MYO18B: variants seen among roughly 807,000 people sequenced by gnomAD.
MYO18B encodes myosin XVIIIB.
In MYO18B, 204 loss-of-function variants were observed where a neutral mutation model predicts 273.0. That is an observed-to-expected ratio of 0.75 (90% CI 0.67 to 0.84). MYO18B has a LOEUF of 0.84. MYO18B is among the 40% of genes least tolerant of loss of function. The pLI is 0.00. For synonymous variants in MYO18B, 1,330 were observed against 1,305.7 expected, an observed-to-expected ratio of 1.02 and a Z score of -0.40; for missense variants, 3,212 against 3,287.6, an observed-to-expected ratio of 0.98 and a Z score of 0.56.
intron 12 of MYO18B, among the ~76,000 whole-genome samples, chr22:25,816,035 G>A (rs1360524148): frequency 6.6e-6 from 1 of 152,222 alleles, no homozygotes; most frequent in African/African-American, 2.4e-5. Flanking sequence ...ATATGTCCAG[G>A]TTTGTGGGGC....
chr22:25,815,920 C>T (rs1191748666), intron 12 of MYO18B, among the ~76,000 whole-genome samples: 3 of 152,116 alleles, frequency 2.0e-5, no homozygotes, highest in South Asian at 2.1e-4. Context: ...TGTTAAGGTT[C>T]GGGCAATGAT....
At chr22:25,874,227 C>G in intron 22 of MYO18B, 59 bp from the exon 23 acceptor site, 1 of 1,604,020 alleles carries the variant, frequency 6.2e-7, no homozygotes, top group East Asian at 2.2e-5. Context: ...GCAAGCACCC[C>G]CCCATTGTAG....
intron 39 of MYO18B, among the ~76,000 whole-genome samples, chr22:25,963,176 T>TCACA (rs769492850): frequency 6.8e-6 from 1 of 147,378 alleles, no homozygotes; most frequent in South Asian, 2.2e-4. Context: ...TCTCTCTCTC[T>TCACA]CTCACACACA....
At chr22:25,782,257 G>T (rs115281310) in intron 10 of MYO18B, among the ~76,000 whole-genome samples, 2 of 152,244 alleles carry the variant, frequency 1.3e-5, no homozygotes, top group African/African-American at 4.8e-5. Flanking sequence ...AAGGCTGTCT[G>T]CTGTGATAGT....
rs749209387 is a variant in MYO18B, at chr22:25,895,173, C to T, written c.4561C>T (p.Arg1521Cys). 5.6e-6 allele frequency: 9 copies of T among 1,612,244 alleles called. No individual in the cohort carries two copies. The highest frequency in any genetic ancestry group is 2.2e-5 in the South Asian group (2 of 90,370). The change falls in exon 28 of 44, where the codon CGC becomes TGC. Residue 1521 changes from arginine (R) to cysteine (C), a missense_variant. Coordinates refer to ENST00000335473, the MANE Select transcript of MYO18B (RefSeq NM_032608.7). Reference protein sequence around the residue: ...PTGGADEWQMRFDCAQMENEF... With the variant: ...PTGGADEWQMCFDCAQMENEF... ...TTAAACAGCAGACGAGTGGCAGATG[C>T]GCTTCGACTGTGCTCAGATGGAGAA...
At chr22:25,829,794 C>T (rs1407848406) in intron 15 of MYO18B, among the ~76,000 whole-genome samples, 10 of 151,754 alleles carry the variant, frequency 6.6e-5, no homozygotes, top group South Asian at 2.1e-4. Context: ...GCTGAGATTG[C>T]GCCACTGCAC....
At chr22:25,799,336 T>C (rs1474334401) in intron 12 of MYO18B, among the ~76,000 whole-genome samples, 3 of 152,164 alleles carry the variant, frequency 2.0e-5, no homozygotes, top group African/African-American at 7.2e-5. Context: ...GGCTTGGCAT[T>C]CAAAGCTCCT....
chr22:25,742,957 T>G (rs994913432), intron 1 of MYO18B, among the ~76,000 whole-genome samples: 1 of 152,158 alleles, frequency 6.6e-6, no homozygotes, highest in Non-Finnish European at 1.5e-5. Flanking sequence ...GGCCCCATAG[T>G]GGGGCAGAAG....
intron 33 of MYO18B, among the ~76,000 whole-genome samples, chr22:25,919,046 C>G (rs1195725815): frequency 6.6e-6 from 1 of 152,144 alleles, no homozygotes; most frequent in Non-Finnish European, 1.5e-5. Flanking sequence ...GTAACCTGCC[C>G]CTCAACTCGG....
the MYO18B span, among the ~76,000 whole-genome samples, chr22:26,046,239 A>G: frequency 6.6e-6 from 1 of 152,182 alleles, no homozygotes; most frequent in African/African-American, 2.4e-5. Flanking sequence ...TTACTTATTC[A>G]TGCTCATCCA....
chr22:25,828,105 A>T (rs1006974136), intron 14 of MYO18B, among the ~76,000 whole-genome samples: 5 of 152,182 alleles, frequency 3.3e-5, no homozygotes, highest in African/African-American at 1.2e-4. Flanking sequence ...CCACATGGCA[A>T]ACTTTGCTTT....
intron 40 of MYO18B, among the ~76,000 whole-genome samples, chr22:25,997,290 G>A (rs1272877092): frequency 7.0e-5 from 6 of 85,254 alleles, no homozygotes; most frequent in Non-Finnish European, 9.6e-5. Context: ...GGGCAACAGA[G>A]TGAAACTCTG....
intron 38 of MYO18B, 141 bp downstream of exon 38, chr22:25,952,564 C>T: frequency 1.8e-6 from 2 of 1,118,468 alleles, no homozygotes; most frequent in Non-Finnish European, 2.5e-6. Flanking sequence ...CTCACCCAAG[C>T]TCCCTCCCTC....
chr22:25,910,903 G>T, intron 32 of MYO18B, 43 bp from the exon 33 acceptor site: 1 of 1,459,668 alleles, frequency 6.9e-7, no homozygotes, highest in East Asian at 2.5e-5. Context: ...TGTCTGGATG[G>T]AGTTCATTTA....
rs538132723 is a variant in MYO18B, at chr22:25,890,912, G to A, written c.4434+37G>A. ...GGGGTGGCCAGGGGTGGCTGAACAC[G>A]GTGGCTAAAAATGGTTGGGTCTGCT... On this transcript the variant is annotated intron_variant, in intron 26 of 43. Coordinates refer to ENST00000335473, the MANE Select transcript of MYO18B (RefSeq NM_032608.7). 11 of 1,604,210 alleles carry A rather than the reference G, an allele frequency of 6.9e-6. No individual in the cohort carries two copies. In the South Asian group the frequency reaches 8.9e-5, roughly 13 times the overall value.
intron 20 of MYO18B, among the ~76,000 whole-genome samples, chr22:25,850,755 A>G (rs959982402): frequency 1.3e-5 from 2 of 152,088 alleles, no homozygotes; most frequent in African/African-American, 4.8e-5. Flanking sequence ...TATTTTTTGT[A>G]GACACCGTGC....
chr22:25,828,533 C>T (rs1440109502), intron 14 of MYO18B, among the ~76,000 whole-genome samples: 2 of 150,322 alleles, frequency 1.3e-5, no homozygotes, highest in African/African-American at 4.9e-5. Context: ...TTACTTTGGG[C>T]CAGTGGGAGG....
intron 1 of MYO18B, among the ~76,000 whole-genome samples, chr22:25,746,613 G>A (rs2085786581): frequency 6.6e-6 from 1 of 152,182 alleles, no homozygotes; most frequent in African/African-American, 2.4e-5. Context: ...TCACCACTTG[G>A]TGAGTTCTGT....
rs571094869 is a variant in MYO18B at position 25,957,209 on chromosome 22, T to C, written c.6156+1845T>C. Among the ~76,000 whole-genome samples the C allele has an allele frequency of 3.3e-5, 5 of 152,380 alleles. No homozygotes were observed. In the South Asian group the frequency reaches 1.0e-3, roughly 32 times the overall value. On this transcript the variant is annotated intron_variant, in intron 39 of 43. Coordinates refer to ENST00000335473, the MANE Select transcript of MYO18B (RefSeq NM_032608.7). ...TAACTAGCCAGGCACTCAGGCATTC[T>C]GTCCAGATCAAATAGTGATTTTCTT...
Sources: allele counts gnomAD v4.1 joint callset (sites outside exome capture counted in the v4.1 genomes callset), GRCh38; gene constraint gnomAD v4.1.1; transcripts MANE v1.5; gene names NCBI Gene and HGNC (gene_info 2026-07-23, HGNC 2026-07-21).